Variants in TFAP2D observed in about 807,000 individuals in gnomAD.
The protein encoded by TFAP2D is transcription factor AP-2-delta.
A neutral mutation model predicts 43.6 loss-of-function variants in TFAP2D; 9 were observed. The observed-to-expected ratio is 0.21, with a 90% CI of 0.12 to 0.36. The LOEUF is 0.36. Ranked by LOEUF, TFAP2D falls within the 10% of genes least tolerant of loss-of-function variation. The probability of loss-of-function intolerance (pLI) is 1.00; values close to 1 mark genes in which losing one functional copy is unlikely to be tolerated. For synonymous variants in TFAP2D, 256 were observed against 224.9 expected (o/e 1.14, Z -1.24); for missense variants, 513 against 561.4 (o/e 0.91, Z 0.87).
intron 4 of TFAP2D, 48 bp downstream of exon 4, chr6:50,729,069 A>G (rs575582078): frequency 2.5e-6 from 4 of 1,609,224 alleles, no homozygotes; most frequent in East Asian, 2.2e-5. Flanking sequence ...AACTGATACC[A>G]TACCCTCAAC....
In TFAP2D at chr6:50,715,156, T is replaced by A; in HGVS notation, c.80T>A (p.Leu27His). 1 of 1,614,128 alleles carries A rather than the reference T, an allele frequency of 6.2e-7. No homozygotes were observed. Residue 27 changes from leucine to histidine, a missense_variant, in exon 2 of 8, where the codon CTT (leucine) becomes CAT (histidine). This residue lies in a region of TFAP2D where 311 missense variants were observed against 316.2 expected (regional missense o/e 0.98). Coordinates refer to ENST00000008391, the MANE Select transcript of TFAP2D (RefSeq NM_172238.4). The part of the protein sequence containing the change: ...DGSNSYRLMQ[L>H]GCLESVANST... ...TCAAACAGCTACCGTTTGATGCAGC[T>A]TGGCTGTCTGGAGTCAGTAGCCAAT...
intron 3 of TFAP2D, among the ~76,000 whole-genome samples, chr6:50,722,089 G>A (rs1768735378): frequency 1.3e-5 from 2 of 152,200 alleles, no homozygotes; most frequent in African/African-American, 2.4e-5. Flanking sequence ...AGCCTGTAAT[G>A]AAGGCCCGAT....
chr6:50,749,813 G>A (rs999358717), intron 6 of TFAP2D, among the ~76,000 whole-genome samples: 3 of 151,912 alleles, frequency 2.0e-5, no homozygotes, highest in African/African-American at 7.2e-5. Context: ...TTAAAAGCAT[G>A]TATTCAGATG....
intron 7 of TFAP2D, among the ~76,000 whole-genome samples, chr6:50,765,091 G>A (rs1246622461): frequency 6.6e-6 from 1 of 152,030 alleles, no homozygotes; most frequent in Non-Finnish European, 1.5e-5. Flanking sequence ...CCCCATTTCT[G>A]TCACTTCTTA....
Position 50,743,214 on chromosome 6 carries a change from G to A in TFAP2D, c.884-1893G>A, listed in dbSNP as rs184546201. Reference sequence around the variant, plus strand: ...CCATTGCTCATGTGAAATATGTGTGGAGAGGGGCATGATCAGAATTTACAA... The same window carrying A: ...CCATTGCTCATGTGAAATATGTGTGAAGAGGGGCATGATCAGAATTTACAA... On this transcript the variant is annotated intron_variant, in intron 5 of 7. Transcript: ENST00000008391. 2.0e-3 allele frequency among the ~76,000 whole-genome samples: 309 copies of A among 152,196 alleles called. 5 individuals are homozygous for A. Among genetic ancestry groups the A allele is most frequent in the Non-Finnish European group, 7.1e-4 (48 of 68,020 alleles).
At chr6:50,726,789 T>A (rs1230337400) in intron 3 of TFAP2D, among the ~76,000 whole-genome samples, 1 of 152,204 alleles carries the variant, frequency 6.6e-6, no homozygotes. Flanking sequence ...GTGAAACCGA[T>A]AACAAAAGTG....
chr6:50,719,504 G>A (rs1328790654), intron 3 of TFAP2D, among the ~76,000 whole-genome samples: 2 of 104,344 alleles, frequency 1.9e-5, no homozygotes, highest in Non-Finnish European at 4.3e-5. Flanking sequence ...AAAGAAAGAA[G>A]TTTCTCACAC....
chr6:50,747,626 A>G (rs982596841), intron 6 of TFAP2D, among the ~76,000 whole-genome samples: 1 of 152,028 alleles, frequency 6.6e-6, no homozygotes, highest in African/African-American at 2.4e-5. Flanking sequence ...TACAATTCCT[A>G]TTTTCTTGGA....
At chr6:50,769,814 C>T (rs1022058747) in intron 7 of TFAP2D, among the ~76,000 whole-genome samples, 8 of 152,114 alleles carry the variant, frequency 5.3e-5, no homozygotes, top group East Asian at 1.9e-4. Flanking sequence ...CTCAGTTCTT[C>T]GTCTGTAAAA....
chr6:50,742,994 C>CACACA (rs957070816), intron 5 of TFAP2D, among the ~76,000 whole-genome samples: 1 of 147,446 alleles, frequency 6.8e-6, no homozygotes, highest in Non-Finnish European at 1.5e-5. Context: ...CACACACACA[C>CACACA]ATCTTTGTGC....
At chr6:50,752,248 G>T (rs1769210912) in intron 7 of TFAP2D, among the ~76,000 whole-genome samples, 1 of 151,698 alleles carries the variant, frequency 6.6e-6, no homozygotes, top group South Asian at 2.1e-4. Flanking sequence ...ATGTATTATT[G>T]GAAGCATATT....
At position 50,744,959 on chromosome 6, in the gene TFAP2D, C is replaced by A. The variant is rs80066337; in HGVS notation, c.884-148C>A. 0.012 allele frequency: 11,515 copies of A among 935,428 alleles called. 954 individuals carry two copies. The African/African-American group carries it at 0.17, about 14-fold the overall frequency. The allele number at this position is 935,428 out of a possible 1,614,324, so 57.9% of individuals were successfully genotyped here. On this transcript the variant is annotated intron_variant, in intron 5 of 7. Coordinates refer to ENST00000008391, the MANE Select transcript of TFAP2D (RefSeq NM_172238.4). ...TTCCTCATTACCTCCCCTCCTCCCC[C>A]CAAAAAGGTCTTTTTTCTTGAATAG...
chr6:50,766,326 G>A (rs1369145896), intron 7 of TFAP2D, among the ~76,000 whole-genome samples: 1 of 152,068 alleles, frequency 6.6e-6, no homozygotes, highest in Non-Finnish European at 1.5e-5. Context: ...TGTTTCTCAA[G>A]ATTGCTTTGG....
At chr6:50,729,076 CAACCCTTAGTCA>C in intron 4 of TFAP2D, 55 bp downstream of exon 4, 1 of 1,607,144 alleles carries the variant, frequency 6.2e-7, no homozygotes, top group Non-Finnish European at 8.5e-7. Flanking sequence ...ACCATACCCT[CAACCCTTAGTCA>C]TGATGTCTTC....
chr6:50,723,461 C>A (rs749276409), intron 3 of TFAP2D, among the ~76,000 whole-genome samples: 1 of 152,178 alleles, frequency 6.6e-6, no homozygotes, highest in Non-Finnish European at 1.5e-5. Context: ...TTTGTCAGTA[C>A]TCTTCGGATT....
At chr6:50,729,804 G>T (rs1327260994) in intron 5 of TFAP2D, among the ~76,000 whole-genome samples, 1 of 152,084 alleles carries the variant, frequency 6.6e-6, no homozygotes, top group Non-Finnish European at 1.5e-5. Context: ...AACTTTCAAG[G>T]CTGTATGGGT....
In TFAP2D at chr6:50,719,140, G is replaced by A. The variant is rs1561930820; in HGVS notation, c.588G>A (p.Val196=). The change falls in exon 3 of 8, where the codon GTG becomes GTA. Residue 196 remains valine, a synonymous_variant. Coordinates refer to ENST00000008391, the MANE Select transcript of TFAP2D (RefSeq NM_172238.4). ...CGLVLNGQGG[V]IRRGGTCVVN... is the part of the protein sequence containing the mutation. ...TTGTTCTCAATGGCCAAGGTGGAGT[G>A]ATAAGAAGAGGTAAGTAACAAGTAA... 1.2e-6 allele frequency: 2 copies of A among 1,613,960 alleles called. No individual in the cohort carries two copies. The highest frequency in any genetic ancestry group is 1.7e-6 in the Non-Finnish European group (2 of 1,179,888).
intron 2 of TFAP2D, 104 bp from the exon 3 acceptor site, chr6:50,718,986 A>G: frequency 2.7e-6 from 3 of 1,091,244 alleles, no homozygotes; most frequent in East Asian, 5.2e-5. Context: ...TCAAATGTCT[A>G]CTGAAACAGA....
intron 7 of TFAP2D, among the ~76,000 whole-genome samples, chr6:50,765,843 T>C (rs932906436): frequency 2.0e-5 from 3 of 152,344 alleles, no homozygotes; most frequent in Non-Finnish European, 1.5e-5. Context: ...TTGTTGCCTT[T>C]ACTGTGCAGA....
Sources: gnomAD v4.1 joint callset for allele counts (sites outside exome capture counted in the v4.1 genomes callset) on GRCh38, gnomAD v4.1.1 for gene constraint, gnomAD v4.1.1 regional missense constraint, MANE v1.5 for transcripts, NCBI Gene and HGNC (gene_info 2026-07-23, HGNC 2026-07-21) for gene names.